PAX5: variants seen among roughly 807,000 people sequenced by gnomAD.
The protein encoded by PAX5 is paired box protein Pax-5.
A neutral mutation model predicts 43.7 loss-of-function variants in PAX5; 9 were observed. That is an observed-to-expected ratio of 0.21 (90% confidence interval 0.12 to 0.36). The LOEUF (loss-of-function observed/expected upper bound fraction) is 0.36, where lower values mean the gene tolerates loss of function less well. PAX5 is among the 10% of genes least tolerant of loss of function. The pLI, the probability that PAX5 is intolerant of heterozygous loss-of-function variation, is 1.00. For synonymous variants in PAX5, 228 were observed against 214.3 expected (o/e 1.06, Z -0.56); for missense variants, 383 against 532.7 (o/e 0.72, Z 2.77).
chr9:36,958,420 A>G (rs1322717923), intron 6 of PAX5, among the ~76,000 whole-genome samples: 1 of 151,826 alleles, frequency 6.6e-6, no homozygotes, highest in African/African-American at 2.4e-5. Flanking sequence ...ATCAAATTCA[A>G]GCTAACTCTA....
intron 5 of PAX5, among the ~76,000 whole-genome samples, chr9:36,996,077 A>G (rs1837369050): frequency 6.6e-6 from 1 of 152,214 alleles, no homozygotes; most frequent in Non-Finnish European, 1.5e-5. Flanking sequence ...CTTCTTCAGT[A>G]CTATGGAATC....
chr9:37,007,284 C>T (rs1300039456), intron 3 of PAX5, among the ~76,000 whole-genome samples: 1 of 152,166 alleles, frequency 6.6e-6, no homozygotes, highest in African/African-American at 2.4e-5. Context: ...CCATTGTGGA[C>T]CTCCGATACA....
chr9:36,866,358 G>A (rs1434851138), intron 8 of PAX5, among the ~76,000 whole-genome samples: 6 of 152,166 alleles, frequency 3.9e-5, no homozygotes, highest in Non-Finnish European at 7.4e-5. Flanking sequence ...CCTGACTCTG[G>A]GTAGGGGAGC....
At chr9:36,897,544 T>TA (rs112978417) in intron 7 of PAX5, among the ~76,000 whole-genome samples, 3,846 of 145,354 alleles carry the variant, frequency 0.026, 177 homozygotes, top group African/African-American at 0.085. Context: ...TAACAGTTGC[T>TA]AAAAAAAAAA....
At chr9:36,863,409 G>A (rs1235412498) in intron 8 of PAX5, among the ~76,000 whole-genome samples, 1 of 152,222 alleles carries the variant, frequency 6.6e-6, no homozygotes, top group Non-Finnish European at 1.5e-5. Flanking sequence ...GATTACAGGT[G>A]TGAGCCACTG....
At chr9:36,981,767 C>A (rs1306418651) in intron 5 of PAX5, among the ~76,000 whole-genome samples, 1 of 152,234 alleles carries the variant, frequency 6.6e-6, no homozygotes, top group East Asian at 1.9e-4. Flanking sequence ...TCTGGCTCTG[C>A]CACTTGCCAG....
At chr9:37,007,921 C>G (rs1017009259) in intron 3 of PAX5, 1 of 152,152 alleles carries the variant, frequency 6.6e-6, no homozygotes, top group Non-Finnish European at 1.5e-5. Context: ...GCTCTGTTGC[C>G]CAGGCTGGAG....
chr9:36,854,428 T>TAC (rs902435725), intron 8 of PAX5, among the ~76,000 whole-genome samples: 1 of 152,176 alleles, frequency 6.6e-6, no homozygotes, highest in Non-Finnish European at 1.5e-5. Flanking sequence ...GTTGGATGTG[T>TAC]ACACACACAC....
chr9:36,977,596 T>C (rs113632508), intron 5 of PAX5, among the ~76,000 whole-genome samples: 3,354 of 152,254 alleles, frequency 0.022, 49 homozygotes, highest in East Asian at 0.078. Context: ...AATGGCACCA[T>C]CTTGGTTCAC....
chr9:36,893,242 G>A (rs1353520484), intron 7 of PAX5, among the ~76,000 whole-genome samples: 1 of 152,168 alleles, frequency 6.6e-6, no homozygotes, highest in Admixed American at 6.5e-5. Context: ...CACTGCAGCC[G>A]CTCTCAGGCC....
At chr9:37,017,960 A>G (rs573397204) in intron 2 of PAX5, among the ~76,000 whole-genome samples, 47 of 152,366 alleles carry the variant, frequency 3.1e-4, no homozygotes, top group African/African-American at 1.1e-3. Flanking sequence ...ACAAAAGACC[A>G]ACGGCAGCCA....
chr9:37,026,787 G>T (rs1049685398), intron 1 of PAX5: 1 of 928,656 alleles, frequency 1.1e-6, no homozygotes, highest in Non-Finnish European at 1.3e-6. Flanking sequence ...TAGCGCACCC[G>T]GGCTAGGAGC....
intron 1 of PAX5, among the ~76,000 whole-genome samples, chr9:37,029,737 C>T (rs1460358310): frequency 6.6e-6 from 1 of 152,190 alleles, no homozygotes; most frequent in Non-Finnish European, 1.5e-5. Flanking sequence ...GACACCCCCA[C>T]CCCCAGCCTC....
chr9:36,940,000 G>A (rs1372367324), intron 6 of PAX5, among the ~76,000 whole-genome samples: 1 of 152,204 alleles, frequency 6.6e-6, no homozygotes, highest in African/African-American at 2.4e-5. Context: ...TAAATCACAG[G>A]GCTGGAAGGC....
chr9:37,011,819 T>A (rs1373053047), intron 3 of PAX5, among the ~76,000 whole-genome samples: 1 of 152,004 alleles, frequency 6.6e-6, no homozygotes, highest in Non-Finnish European at 1.5e-5. Context: ...CATCACTCCC[T>A]CCCCAGCTGT....
At chr9:37,020,487 T>C (rs1220554329) in intron 2 of PAX5, 149 bp downstream of exon 2, 1 of 774,862 alleles carries the variant, frequency 1.3e-6, no homozygotes, top group Non-Finnish European at 2.1e-6. Context: ...TACTTGGAAT[T>C]GGGGCTTTGC....
At chr9:36,957,955 C>T (rs1833630494) in intron 6 of PAX5, among the ~76,000 whole-genome samples, 1 of 152,118 alleles carries the variant, frequency 6.6e-6, no homozygotes, top group African/African-American at 2.4e-5. Flanking sequence ...GGACATTTTC[C>T]CAGGGGTACC....
At chr9:36,886,384 A>G (rs1374474919) in intron 7 of PAX5, among the ~76,000 whole-genome samples, 1 of 152,190 alleles carries the variant, frequency 6.6e-6, no homozygotes, top group African/African-American at 2.4e-5. Flanking sequence ...TGGTTGGGGA[A>G]CCCAGTCTTA....
At chr9:36,952,234 CTTTT>C (rs138009049) in intron 6 of PAX5, among the ~76,000 whole-genome samples, 12 of 66,626 alleles carry the variant, frequency 1.8e-4, no homozygotes, top group Non-Finnish European at 2.8e-4. Context: ...GACCATCTCC[CTTTT>C]TTTTTTTTTT....
Sources: allele counts gnomAD v4.1 joint callset (sites outside exome capture counted in the v4.1 genomes callset), GRCh38; gene constraint gnomAD v4.1.1; transcripts MANE v1.5; gene names NCBI Gene and HGNC (gene_info 2026-07-23, HGNC 2026-07-21).